The following SLC35F4 variants were observed in gnomAD, a reference collection of about 807,000 sequenced individuals.
SLC35F4 encodes the protein chromosome 14 open reading frame 36.
Under a neutral mutation model 44.2 loss-of-function variants are expected in SLC35F4, and 24 were observed. The observed-to-expected ratio is 0.54, with a 90% CI of 0.39 to 0.76. The LOEUF (loss-of-function observed/expected upper bound fraction) is 0.76, where lower values mean the gene tolerates loss of function less well. SLC35F4 is among the 30% of genes least tolerant of loss of function. The pLI is 0.00. For synonymous variants in SLC35F4, 238 were observed against 223.6 expected (o/e 1.06, Z -0.57); for missense variants, 562 against 586.1 (o/e 0.96, Z 0.42).
chr14:57,683,126 A>T (rs2074959360), intron 1 of SLC35F4, among the ~76,000 whole-genome samples: 1 of 152,230 alleles, frequency 6.6e-6, no homozygotes, highest in Non-Finnish European at 1.5e-5. Flanking sequence ...TTGTCTGCAA[A>T]CACATAGCTA....
chr14:57,710,463 ACTGCCT>A (rs1566785312), intron 1 of SLC35F4, among the ~76,000 whole-genome samples: 2 of 152,276 alleles, frequency 1.3e-5, no homozygotes, highest in South Asian at 2.1e-4. Flanking sequence ...CTACTAGGGC[ACTGCCT>A]AGTAGAGCTG....
intron 1 of SLC35F4, among the ~76,000 whole-genome samples, chr14:57,715,745 C>A (rs146991539): frequency 0.013 from 2,039 of 152,172 alleles, 25 homozygotes; most frequent in South Asian, 0.059. Context: ...CAGAGATGGA[C>A]TGGGAAGGGA....
chr14:57,857,572 T>C lies in SLC35F4; in HGVS notation c.103+8151A>G, dbSNP rs142780616. Among the ~76,000 whole-genome samples, 557 of 152,196 alleles carry C rather than the reference T, an allele frequency of 3.7e-3. 10 individuals carry two copies. Among genetic ancestry groups the C allele is most frequent in the African/African-American group, 0.013 (520 of 41,438 alleles). On this transcript the variant is annotated intron_variant, in intron 1 of 7. Coordinates refer to ENST00000556826, the MANE Select transcript of SLC35F4 (RefSeq NM_001306087.2). Reference sequence around the variant, plus strand: ...TCATTCGTTAGCACAATAAACTTTATTGAGCAACAAAATATACCACTTTGC... The same window carrying C: ...TCATTCGTTAGCACAATAAACTTTACTGAGCAACAAAATATACCACTTTGC...
At position 57,967,868 on chromosome 14, in the gene SLC35F4, C is replaced by T. The variant is rs1880929280; in HGVS notation, n.282+14045G>A. 1.3e-5 allele frequency among the ~76,000 whole-genome samples: 2 copies of T among 152,122 alleles called. 1 individual carries two copies. Among genetic ancestry groups the T allele is most frequent in the Admixed American group, 1.3e-4 (2 of 15,272 alleles). On this transcript the variant is annotated intron_variant and non_coding_transcript_variant, in intron 1 of 1. Coordinates refer to the SLC35F4 transcript ENST00000556568. ...TTCATGCAAAGAATTAACAATTAGGCTTTGGTTTGATAGGTAAGACAGAAA... is the reference window on the plus strand; with the variant it reads ...TTCATGCAAAGAATTAACAATTAGGTTTTGGTTTGATAGGTAAGACAGAAA...
At chr14:57,681,573 C>G (rs770711994) in intron 1 of SLC35F4, among the ~76,000 whole-genome samples, 1 of 152,026 alleles carries the variant, frequency 6.6e-6, no homozygotes, top group Non-Finnish European at 1.5e-5. Flanking sequence ...TAGGGCATAC[C>G]ATTCAGGACA....
At chr14:57,772,562 T>G (rs2140688907) in intron 1 of SLC35F4, among the ~76,000 whole-genome samples, 1 of 152,292 alleles carries the variant, frequency 6.6e-6, no homozygotes, top group East Asian at 1.9e-4. Context: ...TGTCTATTAT[T>G]TCCATCTTTA....
chr14:57,725,236 T>C (rs1223053108), intron 1 of SLC35F4, among the ~76,000 whole-genome samples: 2 of 152,152 alleles, frequency 1.3e-5, no homozygotes, highest in African/African-American at 4.8e-5. Flanking sequence ...GGATGAAGGT[T>C]GCACATGGGC....
intron 1 of SLC35F4, among the ~76,000 whole-genome samples, chr14:57,760,188 G>A (rs937165623): frequency 7.3e-5 from 11 of 151,520 alleles, no homozygotes; most frequent in East Asian, 1.9e-4. Context: ...TCTTTTTTTC[G>A]CTTTGAGTTC....
intron 1 of SLC35F4, among the ~76,000 whole-genome samples, chr14:57,946,667 G>C (rs1297386448): frequency 6.6e-6 from 1 of 151,414 alleles, no homozygotes; most frequent in African/African-American, 2.4e-5. Context: ...GTAGAGATAG[G>C]GTTTCACCAT....
intron 1 of SLC35F4, among the ~76,000 whole-genome samples, chr14:57,652,793 T>C (rs191425894): frequency 6.6e-6 from 1 of 152,182 alleles, no homozygotes; most frequent in East Asian, 1.9e-4. Context: ...TATGCTAAAA[T>C]GTACACAAAT....
chr14:57,873,203 G>C (rs1225197333), intron 1 of SLC35F4, among the ~76,000 whole-genome samples: 2 of 152,052 alleles, frequency 1.3e-5, no homozygotes, highest in Non-Finnish European at 2.9e-5. Context: ...CTACCCCATA[G>C]CATTATCCCA....
At chr14:57,671,981 A>T (rs7160052) in intron 1 of SLC35F4, among the ~76,000 whole-genome samples, 20,637 of 151,936 alleles carry the variant, frequency 0.14, 1,736 homozygotes, top group African/African-American at 0.22. Flanking sequence ...TTCTCAATAA[A>T]TCTCTTAAAC....
At chr14:57,618,759 C>T (rs886754224) in intron 1 of SLC35F4, among the ~76,000 whole-genome samples, 6 of 152,202 alleles carry the variant, frequency 3.9e-5, no homozygotes, top group Non-Finnish European at 7.3e-5. Flanking sequence ...AGGTCCCACC[C>T]GCACAGAACC....
chr14:57,976,792 A>T (rs961763589), exon 2 of SLC35F4: 2 of 152,246 alleles, frequency 1.3e-5, no homozygotes, highest in African/African-American at 4.8e-5. Flanking sequence ...AGTAAGGAAG[A>T]TCAAAAGAGG....
intron 1 of SLC35F4, among the ~76,000 whole-genome samples, chr14:57,964,991 A>AAAATATATATATATATATATATATATAT (rs1555331532): frequency 8.6e-6 from 1 of 115,696 alleles, no homozygotes; most frequent in African/African-American, 3.7e-5. Flanking sequence ...AAAAAAAAAA[A>AAAATATATATATATATATATATATATAT]ATATATATAT....
chr14:57,779,714 C>A (rs1367855830), intron 1 of SLC35F4, among the ~76,000 whole-genome samples: 1 of 152,126 alleles, frequency 6.6e-6, no homozygotes, highest in East Asian at 1.9e-4. Context: ...TCCAGCAGCA[C>A]ATGAAAAAGC....
chr14:57,808,967 G>A (rs1435751845), intron 1 of SLC35F4, among the ~76,000 whole-genome samples: 2 of 152,194 alleles, frequency 1.3e-5, no homozygotes, highest in African/African-American at 4.8e-5. Flanking sequence ...AAATCTACAG[G>A]AGGTTGAATA....
Position 57,691,443 on chromosome 14 carries a change from T to C in SLC35F4, c.104-97319A>G, listed in dbSNP as rs924034290. ...AAAACTGGTATCAGGGCACATATAA[T>C]GGTGGACGTGCTATTTAAGAAAATT... On this transcript the variant is annotated intron_variant, in intron 1 of 7. Coordinates refer to ENST00000556826, the MANE Select transcript of SLC35F4 (RefSeq NM_001306087.2). Among the ~76,000 whole-genome samples, 7 of 152,160 alleles carry C rather than the reference T, an allele frequency of 4.6e-5. 1 individual carries two copies. Among genetic ancestry groups the C allele is most frequent in the Admixed American group, 2.6e-4 (4 of 15,266 alleles).
intron 1 of SLC35F4, among the ~76,000 whole-genome samples, chr14:57,720,173 G>A (rs1048243586): frequency 6.6e-6 from 1 of 151,828 alleles, no homozygotes; most frequent in Non-Finnish European, 1.5e-5. Context: ...TGCATCCCTG[G>A]GATAAATCCC....
Sources: gnomAD v4.1 joint callset for allele counts (sites outside exome capture counted in the v4.1 genomes callset) on GRCh38, gnomAD v4.1.1 for gene constraint, MANE v1.5 for transcripts, NCBI Gene and HGNC (gene_info 2026-07-23, HGNC 2026-07-21) for gene names.